The following PDE4A variants were observed in gnomAD, a reference collection of about 807,000 sequenced individuals.
PDE4A encodes phosphodiesterase 4A, also known as 3',5'-cyclic-AMP phosphodiesterase 4A.
PDE4A carries 21 observed loss-of-function variants against 73.9 expected under a neutral mutation model. The observed-to-expected ratio is 0.28, with a 90% CI of 0.20 to 0.41. The LOEUF (loss-of-function observed/expected upper bound fraction) is 0.41. Ranked by LOEUF, PDE4A falls within the 10% of genes least tolerant of loss-of-function variation. PDE4A has a pLI of 1.00. For synonymous variants in PDE4A, 463 were observed against 505.4 expected (o/e 0.92, Z 1.13); for missense variants, 958 against 1,211.4 (o/e 0.79, Z 3.10).
rs199776108 is a variant in PDE4A, at chr19:10,464,001, G to T, written c.1926+26G>T. The T allele has an allele frequency of 1.2e-5, 19 of 1,613,320 alleles. No individual in the cohort carries two copies. In the Admixed American group the frequency reaches 3.2e-4, roughly 27 times the overall value. On this transcript the variant is annotated intron_variant, in intron 14 of 14. Coordinates refer to ENST00000380702, the MANE Select transcript of PDE4A (RefSeq NM_001111307.2). The stretch of plus-strand genomic sequence containing the variant: ...GTACAGGCTCGGGGCATTGATGGAC[G>T]GGCACAGGGTGAGTCTCCCCAGCCC...
chr19:10,457,870 C>G lies in PDE4A; in HGVS notation c.878-9C>G, dbSNP rs775295718. 1 of 1,612,108 alleles carries G rather than the reference C, an allele frequency of 6.2e-7. No individual in the cohort carries two copies. The highest frequency in any genetic ancestry group is 1.1e-5 in the South Asian group (1 of 90,986). ...GTTCACACTTGTTCCTGCTCCCCAT[C>G]TTCTGCAGACAAACAGAATGAAGTG... is the stretch of plus-strand genomic sequence containing the variant. On this transcript the variant is annotated splice_polypyrimidine_tract_variant and intron_variant, in intron 7 of 14. Transcript: ENST00000380702.
At chr19:10,436,999 C>T (rs2042873852) in intron 1 of PDE4A, among the ~76,000 whole-genome samples, 1 of 152,106 alleles carries the variant, frequency 6.6e-6, no homozygotes, top group Admixed American at 6.6e-5. Context: ...GATCACATCA[C>T]TACACTCCAG....
intron 14 of PDE4A, 145 bp downstream of exon 14, chr19:10,464,120 C>A: frequency 1.8e-6 from 2 of 1,091,616 alleles, no homozygotes; most frequent in Non-Finnish European, 2.6e-6. Context: ...GTTTTTGAGA[C>A]GGAGTCTCAT....
At chr19:10,419,700 TAGA>T (rs2042624939), upstream of PDE4A, 1 of 152,286 alleles carries the variant, frequency 6.6e-6, no homozygotes, top group Admixed American at 6.6e-5. Context: ...CTAACATACA[TAGA>T]CGTCCTCCGA....
At chr19:10,466,851 T>C in intron 14 of PDE4A, 36 bp from the exon 15 acceptor site, 1 of 1,594,950 alleles carries the variant, frequency 6.3e-7, no homozygotes, top group Non-Finnish European at 8.5e-7. Flanking sequence ...ATCCACCCCA[T>C]AGGCCGCCCA....
rs202193519 is a variant in PDE4A at position 10,440,332 on chromosome 19, A to AT, written c.321-5878dup. On this transcript the variant is annotated intron_variant, in intron 1 of 14. Coordinates refer to ENST00000380702, the MANE Select transcript of PDE4A (RefSeq NM_001111307.2). The stretch of plus-strand genomic sequence containing the variant: ...GTTTCCCTGATGAGTGATGTTAAGG[A>AT]TTTTTTTTCATATGTTTATTGGCTG... 2.0e-5 allele frequency among the ~76,000 whole-genome samples: 3 copies of AT among 151,704 alleles called. 1 individual carries two copies. The South Asian group carries it at 6.2e-4, about 32-fold the overall frequency.
chr19:10,416,919 C>G, upstream of PDE4A: 3 of 1,538,816 alleles, frequency 1.9e-6, no homozygotes, highest in Non-Finnish European at 1.7e-6. Flanking sequence ...CACCGCAGTC[C>G]CAACGGCGCG....
chr19:10,465,842 A>C (rs1484839346), intron 14 of PDE4A, among the ~76,000 whole-genome samples: 1 of 149,544 alleles, frequency 6.7e-6, no homozygotes, highest in African/African-American at 2.5e-5. Flanking sequence ...GTGGGATTAC[A>C]TGTGCCCACC....
chr19:10,425,014 A>G (rs1442301797), intron 1 of PDE4A, among the ~76,000 whole-genome samples: 3 of 152,208 alleles, frequency 2.0e-5, no homozygotes, highest in Non-Finnish European at 4.4e-5. Context: ...GAATGAGGTC[A>G]GGAGTTCAAG....
intron 10 of PDE4A, 35 bp from the exon 11 acceptor site, chr19:10,460,969 C>G: frequency 6.3e-7 from 1 of 1,591,884 alleles, no homozygotes; most frequent in Non-Finnish European, 8.6e-7. Flanking sequence ...ATGGCTTCAA[C>G]TCTGTTATTC....
chr19:10,439,132 G>A (rs980182102), intron 1 of PDE4A, among the ~76,000 whole-genome samples: 2 of 152,008 alleles, frequency 1.3e-5, no homozygotes, highest in Non-Finnish European at 2.9e-5. Flanking sequence ...GTGGGATTGC[G>A]CGGTTGTGTG....
chr19:10,421,663 A>G (rs1022784073), intron 1 of PDE4A, among the ~76,000 whole-genome samples: 1 of 152,116 alleles, frequency 6.6e-6, no homozygotes, highest in African/African-American at 2.4e-5. Context: ...GCCTTGCGTT[A>G]GATTGGAGTT....
At chr19:10,433,074 G>A (rs2042816146) in intron 1 of PDE4A, among the ~76,000 whole-genome samples, 1 of 152,158 alleles carries the variant, frequency 6.6e-6, no homozygotes, top group Non-Finnish European at 1.5e-5. Flanking sequence ...GGACTGAGCT[G>A]GGGCTGTGAG....
chr19:10,466,386 A>C (rs2043370663), intron 14 of PDE4A, among the ~76,000 whole-genome samples: 1 of 138,638 alleles, frequency 7.2e-6, no homozygotes, highest in Non-Finnish European at 1.5e-5. Context: ...CAGAGGTTGC[A>C]GTGAGCCGAG....
intron 1 of PDE4A, chr19:10,423,032 T>C: frequency 1.2e-6 from 1 of 859,380 alleles, no homozygotes; most frequent in Non-Finnish European, 1.4e-6. Context: ...TCGCAATGGC[T>C]CACCCTCCGG....
At chr19:10,445,335 G>A (rs2042989062) in intron 1 of PDE4A, among the ~76,000 whole-genome samples, 1 of 152,212 alleles carries the variant, frequency 6.6e-6, no homozygotes, top group South Asian at 2.1e-4. Context: ...AGGTACGAAG[G>A]AAAGAGTGAA....
In PDE4A at chr19:10,467,819, G is replaced by A. The variant is rs915069414; in HGVS notation, c.*198G>A. The A allele has an allele frequency of 1.7e-5, 7 of 422,524 alleles. No individual in the cohort carries two copies. The highest frequency in any genetic ancestry group is 2.5e-5 in the Non-Finnish European group (6 of 241,514). 26.2% of individuals were successfully genotyped at this position (422,524 alleles called of 1,614,324 possible). ...ACCCACGGGGCCTTTTTTTGGAGGT[G>A]GGGGCTGGGGAATGAGGGGCTGAGG... On this transcript the variant is annotated 3_prime_UTR_variant, in exon 15 of 15. Transcript: ENST00000380702.
At chr19:10,419,278 A>C (rs1599392315), upstream of PDE4A, among the ~76,000 whole-genome samples, 1 of 105,268 alleles carries the variant, frequency 9.5e-6, no homozygotes, top group Non-Finnish European at 1.8e-5. Context: ...CCCGCCCAGC[A>C]GCCATCCTTG....
intron 2 of PDE4A, among the ~76,000 whole-genome samples, chr19:10,447,600 C>A (rs1034277468): frequency 3.3e-5 from 5 of 151,356 alleles, no homozygotes; most frequent in Admixed American, 2.6e-4. Flanking sequence ...AACTCCTGGG[C>A]TCAAGCGATC....
Sources: gnomAD v4.1 joint callset for allele counts (sites outside exome capture counted in the v4.1 genomes callset) on GRCh38, gnomAD v4.1.1 for gene constraint, MANE v1.5 for transcripts, NCBI Gene and HGNC (gene_info 2026-07-23, HGNC 2026-07-21) for gene names.